RNF144B: variants seen among roughly 807,000 people sequenced by gnomAD.
RNF144B encodes the protein E3 ubiquitin-protein ligase RNF144B.
A neutral mutation model predicts 40.2 loss-of-function variants in RNF144B; 25 were observed. The ratio of observed to expected loss-of-function variants is 0.62; its 90% CI spans 0.45 to 0.87. RNF144B has a LOEUF of 0.87. RNF144B is among the 40% of genes least tolerant of loss of function. The probability of loss-of-function intolerance (pLI) is 0.00; values close to 1 mark genes in which losing one functional copy is unlikely to be tolerated. For missense variants in RNF144B, 365 were observed against 373.7 expected (o/e 0.98, Z 0.19); for synonymous variants, 145 against 136.3 (o/e 1.06, Z -0.44).
chr6:18,396,705 T>G (rs1000863762), intron 1 of RNF144B: 1 of 985,272 alleles, frequency 1.0e-6, no homozygotes, highest in Non-Finnish European at 1.2e-6. Context: ...GCGTTGAGAA[T>G]GTACAGGTGA....
rs1278345210 is a variant in RNF144B at position 18,465,080 on chromosome 6, T to G, written c.*13T>G. 1 of 1,613,086 alleles carries G rather than the reference T, an allele frequency of 6.2e-7. No individual in the cohort carries two copies. Among genetic ancestry groups the G allele is most frequent in the Admixed American group, 1.7e-5 (1 of 59,890 alleles). ...ATCCACAACCTAAAGATCTCTGTGT[T>G]CATACGCCCCAGATATGTGAGTTAC... On this transcript the variant is annotated 3_prime_UTR_variant, in exon 8 of 8. Coordinates refer to ENST00000259939, the MANE Select transcript of RNF144B (RefSeq NM_182757.4).
chr6:18,418,458 C>G lies in RNF144B; in HGVS notation c.166-9123C>G, dbSNP rs1207047164. ...CTTGAAAACATTATGCTAAGTGAAG[C>G]CATTGACAAAGGACCATATATTGTA... On this transcript the variant is annotated intron_variant, in intron 2 of 7. Transcript: ENST00000259939. This position sits in a 1 kb window ranked among gnomAD's most constrained non-coding sequence, Gnocchi z 5.2. Among the ~76,000 whole-genome samples, 1 of 152,124 alleles carries G rather than the reference C, an allele frequency of 6.6e-6. No homozygotes were observed. Among genetic ancestry groups the G allele is most frequent in the Admixed American group, 6.6e-5 (1 of 15,264 alleles).
intron 1 of RNF144B, chr6:18,396,876 AAAACTC>A (rs1794703828): frequency 1.0e-6 from 1 of 967,788 alleles, no homozygotes; most frequent in South Asian, 4.8e-5. Flanking sequence ...ATTTTTTACA[AAAACTC>A]AAAATCCTGA....
chr6:18,399,647 C>T lies in RNF144B; in HGVS notation c.113C>T (p.Ser38Phe). Residue 38 changes from serine to phenylalanine, a missense_variant, in exon 2 of 8, where the codon TCT becomes TTT. Ser to Phe is a radical substitution (Grantham distance 155). Coordinates refer to ENST00000259939, the MANE Select transcript of RNF144B (RefSeq NM_182757.4). ...ITCKLCLCEQ[S>F]LDKMTTLQEC... ...TGCAAACTCTGCCTGTGTGAGCAGT[C>T]TCTGGACAAGATGACCACACTCCAG... The T allele has an allele frequency of 6.2e-7, 1 of 1,614,172 alleles. No individual in the cohort carries two copies. The highest frequency in any genetic ancestry group is 8.5e-7 in the Non-Finnish European group (1 of 1,180,022).
chr6:18,445,291 A>C (rs774077247), intron 4 of RNF144B, among the ~76,000 whole-genome samples: 13 of 152,162 alleles, frequency 8.5e-5, no homozygotes, highest in Non-Finnish European at 1.3e-4. Flanking sequence ...CAGCATATGT[A>C]ATGCTGATGG....
intron 6 of RNF144B, among the ~76,000 whole-genome samples, chr6:18,461,671 CT>C (rs1759458954): frequency 6.6e-6 from 1 of 152,154 alleles, no homozygotes; most frequent in Admixed American, 6.5e-5. Flanking sequence ...ATTGAAGCAT[CT>C]TTTTTTCTGG....
At position 18,464,965 on chromosome 6, in the gene RNF144B, G is replaced by C. The variant is rs1759545563; in HGVS notation, c.810G>C (p.Leu270Phe). 1 of 1,613,880 alleles carries C rather than the reference G, an allele frequency of 6.2e-7. No homozygotes were observed. The highest frequency in any genetic ancestry group is 1.7e-5 in the Admixed American group (1 of 59,984). The change falls in exon 8 of 8, where the codon TTG (leucine) becomes TTC (phenylalanine). Residue 270 changes from leucine (L) to phenylalanine (F), a missense_variant. By Grantham distance (22) the Leu-to-Phe change is conservative. Coordinates refer to ENST00000259939, the MANE Select transcript of RNF144B (RefSeq NM_182757.4). This position sits in a 1 kb window ranked among gnomAD's most constrained non-coding sequence, Gnocchi z 6.1. ...GILVGLGIIA[L>F]VTSPLLLLAS... Reference sequence around the variant, plus strand: ...TCGTAGGCTTGGGCATCATTGCCTTGGTTACTTCACCCTTGTTACTCCTGG... The same window carrying C: ...TCGTAGGCTTGGGCATCATTGCCTTCGTTACTTCACCCTTGTTACTCCTGG...
chr6:18,457,314 TCTC>T lies in RNF144B; in HGVS notation c.494_496del (p.Ser165del). The T allele has an allele frequency of 6.2e-7, 1 of 1,613,958 alleles. No homozygotes were observed. The highest frequency in any genetic ancestry group is 8.5e-7 in the Non-Finnish European group (1 of 1,180,002). On this transcript the variant is annotated inframe_deletion, in exon 5 of 8. Coordinates refer to ENST00000259939, the MANE Select transcript of RNF144B (RefSeq NM_182757.4). This position sits in a 1 kb window ranked among gnomAD's most constrained non-coding sequence, Gnocchi z 5.1. ...TGCAAGGATGCTTGGCATGCAGAGG[TCTC>T]CTGTAGAGACAGTCAGCCTATTGTC...
intron 3 of RNF144B, among the ~76,000 whole-genome samples, chr6:18,428,766 G>T (rs910609255): frequency 6.6e-6 from 1 of 152,166 alleles, no homozygotes; most frequent in Non-Finnish European, 1.5e-5. Flanking sequence ...ATGAAATTGG[G>T]TGTTGCTTTC....
rs1445403440 is a variant in RNF144B, at chr6:18,405,238, A to C, written c.165+5539A>C. Among the ~76,000 whole-genome samples the C allele has an allele frequency of 6.6e-6, 1 of 151,782 alleles. No individual in the cohort carries two copies. The highest frequency in any genetic ancestry group is 1.5e-5 in the Non-Finnish European group (1 of 67,952). ...GCCCAGGCTGGAGTGCAGTGGCACAATCTCGGCTCACTGTAACTTCCGCCT... is the reference window on the plus strand; with the variant it reads ...GCCCAGGCTGGAGTGCAGTGGCACACTCTCGGCTCACTGTAACTTCCGCCT... On this transcript the variant is annotated intron_variant, in intron 2 of 7. Transcript: ENST00000259939. The surrounding 1 kb of genome is among the most constrained non-coding windows in gnomAD (Gnocchi z 4.5).
chr6:18,414,915 G>A lies in RNF144B; in HGVS notation c.166-12666G>A, dbSNP rs1001053694. Among the ~76,000 whole-genome samples the A allele has an allele frequency of 1.3e-5, 2 of 152,144 alleles. No homozygotes were observed. Among genetic ancestry groups the A allele is most frequent in the South Asian group, 4.1e-4 (2 of 4,824 alleles). On this transcript the variant is annotated intron_variant, in intron 2 of 7. Coordinates refer to ENST00000259939, the MANE Select transcript of RNF144B (RefSeq NM_182757.4). This position sits in a 1 kb window ranked among gnomAD's most constrained non-coding sequence, Gnocchi z 4.9. ...CAAATACCTGTAGAGTTATCCCTTG[G>A]TATCTTCAGGATATTGGTTCCAAGC...
In RNF144B at chr6:18,422,395, C is replaced by G. The variant is rs1201933266; in HGVS notation, c.166-5186C>G. On this transcript the variant is annotated intron_variant, in intron 2 of 7. Transcript: ENST00000259939. This position sits in a 1 kb window ranked among gnomAD's most constrained non-coding sequence, Gnocchi z 4.7. ...TGCACTGAGGCAGGGAAATGTTAGTCTACATTTTATGGAATATGTACTTCA... is the reference window on the plus strand; with the variant it reads ...TGCACTGAGGCAGGGAAATGTTAGTGTACATTTTATGGAATATGTACTTCA... 1.3e-5 allele frequency among the ~76,000 whole-genome samples: 2 copies of G among 152,162 alleles called. No homozygotes were observed. The highest frequency in any genetic ancestry group is 2.9e-5 in the Non-Finnish European group (2 of 68,032).
At chr6:18,407,990 T>C (rs1252135391) in intron 2 of RNF144B, among the ~76,000 whole-genome samples, 16 of 150,020 alleles carry the variant, frequency 1.1e-4, no homozygotes, top group African/African-American at 1.7e-4. Flanking sequence ...TTTTCTTTTT[T>C]TTTTTTTTTT....
chr6:18,407,839 A>G (rs1446083056), intron 2 of RNF144B, among the ~76,000 whole-genome samples: 1 of 152,158 alleles, frequency 6.6e-6, no homozygotes, highest in Admixed American at 6.6e-5. Context: ...ATAGTGAGCT[A>G]TCTAGTAGTG....
rs778681765 is a variant in RNF144B, at chr6:18,412,776, G to A, written c.165+13077G>A. ...ACCCCTTGGAATCAGGTGAGACACAGTGCCTCATTTCCATGGAAATACATG... is the reference window on the plus strand; with the variant it reads ...ACCCCTTGGAATCAGGTGAGACACAATGCCTCATTTCCATGGAAATACATG... On this transcript the variant is annotated intron_variant, in intron 2 of 7. Coordinates refer to ENST00000259939, the MANE Select transcript of RNF144B (RefSeq NM_182757.4). The surrounding 1 kb of genome is among the most constrained non-coding windows in gnomAD (Gnocchi z 4.2). Among the ~76,000 whole-genome samples the A allele has an allele frequency of 4.6e-5, 7 of 152,170 alleles. No individual in the cohort carries two copies. Among genetic ancestry groups the A allele is most frequent in the Non-Finnish European group, 1.0e-4 (7 of 68,034 alleles).
intron 2 of RNF144B, among the ~76,000 whole-genome samples, chr6:18,409,634 G>A (rs1327996958): frequency 2.7e-5 from 4 of 145,970 alleles, no homozygotes; most frequent in South Asian, 2.2e-4. Flanking sequence ...GCAATGGCAC[G>A]ATCTTGACTC....
In RNF144B at chr6:18,410,079, C is replaced by T. The variant is rs955580540; in HGVS notation, c.165+10380C>T. On this transcript the variant is annotated intron_variant, in intron 2 of 7. Transcript: ENST00000259939. The surrounding 1 kb of genome is among the most constrained non-coding windows in gnomAD (Gnocchi z 4.6). ...TGCCAAAGTTTAATTCTTCAAACCA[C>T]ATATCAGAATGTAATAGGCTGGCCA... Among the ~76,000 whole-genome samples, 1 of 152,166 alleles carries T rather than the reference C, an allele frequency of 6.6e-6. No homozygotes were observed. The highest frequency in any genetic ancestry group is 1.5e-5 in the Non-Finnish European group (1 of 68,030).
intron 3 of RNF144B, among the ~76,000 whole-genome samples, chr6:18,437,256 T>A (rs1033101788): frequency 1.3e-5 from 2 of 152,058 alleles, no homozygotes. Flanking sequence ...CTGGGCAACA[T>A]AGCGAGACCC....
At chr6:18,387,728 C>CA in intron 1 of RNF144B, 98 bp downstream of exon 1, 1 of 1,053,448 alleles carries the variant, frequency 9.5e-7, no homozygotes, top group Non-Finnish European at 1.2e-6. Flanking sequence ...TGTGACACCA[C>CA]AATTTTTCGA....
Sources: allele counts gnomAD v4.1 joint callset (sites outside exome capture counted in the v4.1 genomes callset), GRCh38; gene constraint gnomAD v4.1.1; non-coding constraint Gnocchi (gnomAD v3.1); transcripts MANE v1.5; gene names NCBI Gene and HGNC (gene_info 2026-07-23, HGNC 2026-07-21).